GPRC5A: variants seen among roughly 807,000 people sequenced by gnomAD.
The protein encoded by GPRC5A is G protein-coupled receptor class C group 5 member A.
GPRC5A carries 19 observed loss-of-function variants against 22.5 expected under a neutral mutation model. The ratio of observed to expected loss-of-function variants is 0.85; its 90% CI spans 0.59 to 1.24. GPRC5A has a LOEUF of 1.24. GPRC5A is among the 50% of genes most tolerant of loss of function. GPRC5A has a pLI of 0.00. For missense variants in GPRC5A, 471 were observed against 451.1 expected (o/e 1.04, Z -0.40); for synonymous variants, 192 against 184.5 (o/e 1.04, Z -0.33).
At position 12,912,557 on chromosome 12, in the gene GPRC5A, G is replaced by A. The variant is rs779961481; in HGVS notation, c.*18G>A. 4 of 1,435,676 alleles carry A rather than the reference G, an allele frequency of 2.8e-6. No individual in the cohort carries two copies. Among genetic ancestry groups the A allele is most frequent in the African/African-American group, 1.4e-5 (1 of 71,436 alleles). The allele number at this position is 1,435,676 out of a possible 1,614,324, so 88.9% of individuals were successfully genotyped here. A position where few individuals can be genotyped will look rare whatever the true frequency, so the allele number is the denominator to read the frequency against. On this transcript the variant is annotated 3_prime_UTR_variant, in exon 4 of 4. Coordinates refer to ENST00000014914, the MANE Select transcript of GPRC5A (RefSeq NM_003979.4). ...GCAGCTAACTCTGTCCTGAAGAGTG[G>A]GACAAATGCAGCCGGGCGGCAGATC...
At chr12:12,892,436 C>T (rs1028054078) in intron 1 of GPRC5A, among the ~76,000 whole-genome samples, 60 of 151,984 alleles carry the variant, frequency 3.9e-4, no homozygotes, top group African/African-American at 1.5e-3. Context: ...GTTGCGATCT[C>T]AGCTCACCGC....
chr12:12,915,098 G>C lies in GPRC5A; in HGVS notation c.*2559G>C, dbSNP rs1159749436. The C allele has an allele frequency of 7.0e-6, 1 of 142,088 alleles. No individual in the cohort carries two copies. Among genetic ancestry groups the C allele is most frequent in the Non-Finnish European group, 1.5e-5 (1 of 67,188 alleles). The allele number at this position is 142,088 out of a possible 1,614,324, so 8.8% of individuals were successfully genotyped here. ...TGCAGTGGCACAATCATAGCTCACT[G>C]CAGCCTCAACTTTCTGTGCTCGAGT... On this transcript the variant is annotated 3_prime_UTR_variant, in exon 4 of 4. Coordinates refer to ENST00000014914, the MANE Select transcript of GPRC5A (RefSeq NM_003979.4).
At chr12:12,902,433 T>C (rs1230085332) in intron 1 of GPRC5A, among the ~76,000 whole-genome samples, 1 of 152,004 alleles carries the variant, frequency 6.6e-6, no homozygotes, top group Non-Finnish European at 1.5e-5. Context: ...TTGTTAGTTA[T>C]TAAAGTGTGG....
Position 12,912,759 on chromosome 12 carries a change from G to A in GPRC5A, c.*220G>A. On this transcript the variant is annotated 3_prime_UTR_variant, in exon 4 of 4. Coordinates refer to ENST00000014914, the MANE Select transcript of GPRC5A (RefSeq NM_003979.4). ...GGCGCTGTAGTATTTTTTTTTTTTT[G>A]TCTCATCCTTTGGATACTTCTTTTA... is the stretch of plus-strand genomic sequence containing the variant. 2.2e-6 allele frequency: 1 copy of A among 451,092 alleles called. No homozygotes were observed. The highest frequency in any genetic ancestry group is 3.7e-5 in the South Asian group (1 of 27,252). The allele number at this position is 451,092 out of a possible 1,614,324, so 27.9% of individuals were successfully genotyped here.
In GPRC5A at chr12:12,908,598, G is replaced by C; in HGVS notation, c.349G>C (p.Val117Leu). 1.2e-6 allele frequency: 2 copies of C among 1,614,136 alleles called. No individual in the cohort carries two copies. Among genetic ancestry groups the C allele is most frequent in the Middle Eastern group, 1.7e-4 (1 of 6,060 alleles). Residue 117 changes from valine (V) to leucine (L), a missense_variant, in exon 2 of 4, where the codon GTC (valine) becomes CTC (leucine). Physicochemically the swap from Val to Leu is conservative, Grantham distance 32 (BLOSUM62 1). Transcript: ENST00000014914. ...CTTCTCCTGCCTGCTGGCTCATGCT[G>C]TCAGTCTGACCAAGCTCGTCCGGGG... Reference protein sequence around the residue: ...ICFSCLLAHAVSLTKLVRGRK... With the variant: ...ICFSCLLAHALSLTKLVRGRK...
At position 12,908,753 on chromosome 12, in the gene GPRC5A, T is replaced by A; in HGVS notation, c.504T>A (p.Leu168=). 1 of 1,614,262 alleles carries A rather than the reference T, an allele frequency of 6.2e-7. No individual in the cohort carries two copies. ...CCAACGTCAATGTCTTTTCTGAGCT[T>A]TCCGCTCCTCGTCGCAATGAAGACT... ...NRTNVNVFSE[L]SAPRRNEDFV... Residue 168 remains leucine, a synonymous_variant, in exon 2 of 4, where the codon CTT becomes CTA. Transcript: ENST00000014914.
At chr12:12,896,419 A>G (rs1863823326) in intron 1 of GPRC5A, among the ~76,000 whole-genome samples, 1 of 152,234 alleles carries the variant, frequency 6.6e-6, no homozygotes, top group Non-Finnish European at 1.5e-5. Flanking sequence ...GCTACCCAGA[A>G]TAGGGGATCC....
In GPRC5A at chr12:12,916,374, C is replaced by A. The variant is rs1480448988; in HGVS notation, c.*3835C>A. On this transcript the variant is annotated 3_prime_UTR_variant, in exon 4 of 4. Coordinates refer to ENST00000014914, the MANE Select transcript of GPRC5A (RefSeq NM_003979.4). Reference sequence around the variant, plus strand: ...TCTGCCTCTCATTTTAGGCTGAGGCCGTCCAAAGCGGCCATGCCCCATGTT... The same window carrying A: ...TCTGCCTCTCATTTTAGGCTGAGGCAGTCCAAAGCGGCCATGCCCCATGTT... 1 of 152,214 alleles carries A rather than the reference C, an allele frequency of 6.6e-6. No homozygotes were observed. The highest frequency in any genetic ancestry group is 1.5e-5 in the Non-Finnish European group (1 of 68,052). The allele number at this position is 152,214 out of a possible 1,614,324, so 9.4% of individuals were successfully genotyped here.
chr12:12,903,090 A>C (rs1863906725), intron 1 of GPRC5A, among the ~76,000 whole-genome samples: 1 of 152,128 alleles, frequency 6.6e-6, no homozygotes, highest in Non-Finnish European at 1.5e-5. Flanking sequence ...AAAAAGAAAA[A>C]AAAATACACA....
At chr12:12,898,149 A>C (rs897827291) in intron 1 of GPRC5A, among the ~76,000 whole-genome samples, 1 of 152,174 alleles carries the variant, frequency 6.6e-6, no homozygotes, top group African/African-American at 2.4e-5. Context: ...GAGTCATGTA[A>C]TCTTGGGCAA....
At chr12:12,910,932 A>G (rs978553602) in intron 2 of GPRC5A, among the ~76,000 whole-genome samples, 1 of 149,708 alleles carries the variant, frequency 6.7e-6, no homozygotes, top group Non-Finnish European at 1.5e-5. Flanking sequence ...GTGCAGGGAC[A>G]TAATCTTGGC....
chr12:12,911,494 T>C (rs1349078423), intron 2 of GPRC5A, among the ~76,000 whole-genome samples: 2 of 151,682 alleles, frequency 1.3e-5, no homozygotes, highest in East Asian at 2.0e-4. Flanking sequence ...TTTTCTTTTT[T>C]TTTTTTTTGT....
chr12:12,901,608 G>A (rs1863887530), intron 1 of GPRC5A, among the ~76,000 whole-genome samples: 1 of 152,052 alleles, frequency 6.6e-6, no homozygotes, highest in Non-Finnish European at 1.5e-5. Context: ...GAGAGACAAC[G>A]TTTAATGACT....
At chr12:12,895,925 G>A (rs1474172612) in intron 1 of GPRC5A, among the ~76,000 whole-genome samples, 2 of 147,778 alleles carry the variant, frequency 1.4e-5, no homozygotes, top group African/African-American at 2.5e-5. Context: ...CCCAGGAGGT[G>A]GAGCTTGCAG....
chr12:12,904,002 G>A, intron 1 of GPRC5A, among the ~76,000 whole-genome samples: 1 of 152,328 alleles, frequency 6.6e-6, no homozygotes, highest in East Asian at 1.9e-4. Context: ...TGGGGAAGGA[G>A]CAATTGGCAG....
Position 12,912,585 on chromosome 12 carries a change from G to C in GPRC5A, c.*46G>C. On this transcript the variant is annotated 3_prime_UTR_variant, in exon 4 of 4. Coordinates refer to ENST00000014914, the MANE Select transcript of GPRC5A (RefSeq NM_003979.4). ...CAAATGCAGCCGGGCGGCAGATCTA[G>C]CGGGAGCTCAAAGGGATGTGGGCGA... 2 of 1,153,514 alleles carry C rather than the reference G, an allele frequency of 1.7e-6. No homozygotes were observed. The highest frequency in any genetic ancestry group is 3.4e-5 in the Admixed American group (2 of 59,176). 71.5% of individuals were successfully genotyped at this position (1,153,514 alleles called of 1,614,324 possible). A position where few individuals can be genotyped will look rare whatever the true frequency, so the allele number is the denominator to read the frequency against.
chr12:12,900,914 C>CAAA (rs55937595), intron 1 of GPRC5A, among the ~76,000 whole-genome samples: 3 of 89,776 alleles, frequency 3.3e-5, no homozygotes, highest in African/African-American at 1.4e-4. Flanking sequence ...AAAAAAAAAA[C>CAAA]AAAAAAAAAA....
intron 1 of GPRC5A, among the ~76,000 whole-genome samples, chr12:12,892,290 T>C (rs766377666): frequency 5.3e-5 from 8 of 152,168 alleles, no homozygotes; most frequent in African/African-American, 9.7e-5. Flanking sequence ...ACTACCGACT[T>C]TATGGATAGG....
Position 12,909,005 on chromosome 12 carries a change from T to G in GPRC5A, c.756T>G (p.Asn252Lys). 6.2e-7 allele frequency: 1 copy of G among 1,614,064 alleles called. No individual in the cohort carries two copies. The highest frequency in any genetic ancestry group is 8.5e-7 in the Non-Finnish European group (1 of 1,180,014). The stretch of plus-strand genomic sequence containing the variant: ...TCCTCAGCTCCGCCTTGGCTGCCAA[T>G]GGCTGGGTGTTCCTGTTGGCTTATG... Reference protein sequence around the residue: ...DTILSSALAANGWVFLLAYVS... With the variant: ...DTILSSALAAKGWVFLLAYVS... Residue 252 changes from asparagine (N) to lysine (K), a missense_variant, in exon 2 of 4, where the codon AAT becomes AAG. By Grantham distance (94) the Asn-to-Lys change is moderately conservative. Transcript: ENST00000014914.
Sources: gnomAD v4.1 joint callset for allele counts (sites outside exome capture counted in the v4.1 genomes callset) on GRCh38, gnomAD v4.1.1 for gene constraint, MANE v1.5 for transcripts, NCBI Gene and HGNC (gene_info 2026-07-23, HGNC 2026-07-21) for gene names.